The following FKTN variants were observed in gnomAD, a reference collection of about 807,000 sequenced individuals.
FKTN encodes fukutin.
FKTN carries 47 observed loss-of-function variants against 58.6 expected under a neutral mutation model. That is an observed-to-expected ratio of 0.80 (90% CI 0.63 to 1.02). The LOEUF is 1.02. FKTN is among the 50% of genes least tolerant of loss of function. The probability of loss-of-function intolerance (pLI) is 0.00; values close to 1 mark genes in which losing one functional copy is unlikely to be tolerated. For missense variants in FKTN, 516 were observed against 537.3 expected, an observed-to-expected ratio of 0.96 and a Z score of 0.39; for synonymous variants, 178 against 191.9, an observed-to-expected ratio of 0.93 and a Z score of 0.60.
chr9:105,581,881 T>C (rs2132232622), intron 3 of FKTN, among the ~76,000 whole-genome samples: 1 of 152,340 alleles, frequency 6.6e-6, no homozygotes, highest in Non-Finnish European at 1.5e-5. Flanking sequence ...GCACTGTTTT[T>C]TAAGCCGGTC....
At chr9:105,620,810 AG>A (rs1831769161) in intron 10 of FKTN, among the ~76,000 whole-genome samples, 1 of 151,308 alleles carries the variant, frequency 6.6e-6, no homozygotes, top group Admixed American at 6.6e-5. Flanking sequence ...TAGTAGTAGT[AG>A]TAGTAGTAGT....
chr9:105,593,729 T>C (rs998346878), intron 3 of FKTN, among the ~76,000 whole-genome samples: 42 of 152,130 alleles, frequency 2.8e-4, no homozygotes, highest in African/African-American at 1.0e-3. Context: ...AGAAATATGG[T>C]GATACAGAGA....
intron 1 of FKTN, among the ~76,000 whole-genome samples, chr9:105,571,316 T>C (rs1840699021): frequency 6.6e-6 from 1 of 152,152 alleles, no homozygotes; most frequent in Non-Finnish European, 1.5e-5. Context: ...AGTGTCACAT[T>C]ATTCATTTTT....
intron 4 of FKTN, chr9:105,597,939 T>C (rs1340047555): frequency 9.8e-6 from 3 of 306,888 alleles, no homozygotes; most frequent in African/African-American, 4.5e-5. Context: ...AACAACATTC[T>C]GACAACATTC....
chr9:105,638,090 T>C lies in FKTN; in HGVS notation c.*2826T>C, dbSNP rs1834163684. 1.1e-5 allele frequency: 11 copies of C among 973,086 alleles called. No homozygotes were observed. Among genetic ancestry groups the C allele is most frequent in the Admixed American group, 1.2e-4 (2 of 16,250 alleles). The allele number at this position is 973,086 out of a possible 1,614,324, so 60.3% of individuals were successfully genotyped here. A position where few individuals can be genotyped will look rare whatever the true frequency, so the allele number is the denominator to read the frequency against. ...AATGTAATATTCTTTTTAAACCCTC[T>C]TATTTTATAACTAAATAAATAATCA... On this transcript the variant is annotated 3_prime_UTR_variant, in exon 11 of 11. Transcript: ENST00000357998.
At chr9:105,566,416 GAAGA>G (rs1839626054) in intron 1 of FKTN, among the ~76,000 whole-genome samples, 1 of 151,946 alleles carries the variant, frequency 6.6e-6, no homozygotes, top group Non-Finnish European at 1.5e-5. Context: ...GACTAATAAA[GAAGA>G]AAAGAGAGAA....
chr9:105,633,013 C>G (rs949794765), intron 10 of FKTN, among the ~76,000 whole-genome samples: 2 of 152,150 alleles, frequency 1.3e-5, no homozygotes, highest in African/African-American at 4.8e-5. Flanking sequence ...GTCATTCACT[C>G]TCCTTCACTT....
chr9:105,623,213 G>C (rs184967809), intron 10 of FKTN: 2 of 152,262 alleles, frequency 1.3e-5, no homozygotes, highest in Admixed American at 1.3e-4. Context: ...GAAGCCAGAA[G>C]TTTGAAAGGT....
chr9:105,579,011 AT>A (rs1186627020), intron 3 of FKTN, among the ~76,000 whole-genome samples: 1 of 151,332 alleles, frequency 6.6e-6, no homozygotes, highest in East Asian at 1.9e-4. Context: ...CGGTGGTGAT[AT>A]CCCCTTTATC....
At chr9:105,632,496 T>C (rs1833602005) in intron 10 of FKTN, among the ~76,000 whole-genome samples, 1 of 151,564 alleles carries the variant, frequency 6.6e-6, no homozygotes, top group South Asian at 2.1e-4. Context: ...GTTGATGTTG[T>C]CTCTATCTCT....
At chr9:105,630,092 C>A (rs1833220067) in intron 10 of FKTN, among the ~76,000 whole-genome samples, 1 of 152,082 alleles carries the variant, frequency 6.6e-6, no homozygotes, top group South Asian at 2.1e-4. Context: ...AGGAGATATA[C>A]CTAATGTAAA....
At chr9:105,594,472 C>T (rs1826376834) in intron 3 of FKTN, among the ~76,000 whole-genome samples, 1 of 152,142 alleles carries the variant, frequency 6.6e-6, no homozygotes, top group African/African-American at 2.4e-5. Flanking sequence ...TTTAAATTGA[C>T]ATCAGCCAGA....
intron 3 of FKTN, among the ~76,000 whole-genome samples, chr9:105,577,932 T>C (rs1842061101): frequency 6.6e-6 from 1 of 151,552 alleles, no homozygotes; most frequent in South Asian, 2.1e-4. Flanking sequence ...TTTGAAGCAA[T>C]TATGAATAGG....
At chr9:105,610,438 G>A (rs1394861572) in intron 7 of FKTN, among the ~76,000 whole-genome samples, 3 of 151,880 alleles carry the variant, frequency 2.0e-5, no homozygotes, top group African/African-American at 4.9e-5. Flanking sequence ...CCATATTTGC[G>A]ACTCCCTTTT....
chr9:105,588,476 C>T (rs1204409974), intron 3 of FKTN, among the ~76,000 whole-genome samples: 3 of 152,152 alleles, frequency 2.0e-5, no homozygotes, highest in African/African-American at 7.2e-5. Flanking sequence ...GGCTATGAAA[C>T]AAATGATCAG....
At chr9:105,632,558 TC>T (rs1365723907) in intron 10 of FKTN, among the ~76,000 whole-genome samples, 1 of 152,024 alleles carries the variant, frequency 6.6e-6, no homozygotes, top group East Asian at 1.9e-4. Context: ...TGGAAGAACT[TC>T]CTTTTCATTT....
chr9:105,561,098 A>AC (rs553564937), intron 1 of FKTN, among the ~76,000 whole-genome samples: 15 of 152,154 alleles, frequency 9.9e-5, no homozygotes, highest in African/African-American at 3.6e-4. Context: ...AAACAAAAAA[A>AC]AAAACAAAAC....
At position 105,639,514 on chromosome 9, in the gene FKTN, GT is replaced by G. The variant is rs1431590852; in HGVS notation, c.*4251del. On this transcript the variant is annotated 3_prime_UTR_variant, in exon 11 of 11. Transcript: ENST00000357998. ...TTCTTAGCCTCAGGCCTAGGATTAA[GT>G]AAGTACTCAAGAAATGTGCAATTTT... 1 of 883,840 alleles carries G rather than the reference GT, an allele frequency of 1.1e-6. No individual in the cohort carries two copies. Among genetic ancestry groups the G allele is most frequent in the Non-Finnish European group, 1.4e-6 (1 of 737,522 alleles). 54.7% of individuals were successfully genotyped at this position (883,840 alleles called of 1,614,324 possible).
chr9:105,572,397 A>T (rs921488909), intron 1 of FKTN, among the ~76,000 whole-genome samples: 1 of 152,228 alleles, frequency 6.6e-6, no homozygotes, highest in Non-Finnish European at 1.5e-5. Context: ...GGAAACTGAG[A>T]GAAAGAGATG....
Sources: gnomAD v4.1 joint callset for allele counts (sites outside exome capture counted in the v4.1 genomes callset) on GRCh38, gnomAD v4.1.1 for gene constraint, MANE v1.5 for transcripts, NCBI Gene and HGNC (gene_info 2026-07-23, HGNC 2026-07-21) for gene names.